Variants in ANKRD17 observed in about 807,000 individuals in gnomAD.
ANKRD17 encodes ankyrin repeat domain-containing protein 17.
ANKRD17 carries 19 observed loss-of-function variants against 229.7 expected under a neutral mutation model. The observed-to-expected ratio is 0.08, with a 90% CI of 0.06 to 0.12. The LOEUF (loss-of-function observed/expected upper bound fraction) is 0.12. Among genes scored for constraint, ANKRD17 ranks in the 10% least tolerant of loss-of-function variants. The probability of loss-of-function intolerance (pLI) is 1.00; values close to 1 mark genes in which losing one functional copy is unlikely to be tolerated. For synonymous variants in ANKRD17, 1,112 were observed against 1,146.1 expected (o/e 0.97, Z 0.60); for missense variants, 2,176 against 3,176.8 (o/e 0.68, Z 7.57).
At chr4:73,108,290 T>C (rs144594370) in intron 24 of ANKRD17, among the ~76,000 whole-genome samples, 1 of 152,308 alleles carries the variant, frequency 6.6e-6, no homozygotes, top group African/African-American at 2.4e-5. Context: ...AGATGCCTAA[T>C]AAGGTATTCA....
chr4:73,116,630 T>C (rs1017160826), intron 22 of ANKRD17, among the ~76,000 whole-genome samples: 4 of 152,200 alleles, frequency 2.6e-5, no homozygotes, highest in African/African-American at 9.6e-5. Flanking sequence ...TTTCTCTAAA[T>C]GAATAGCTCA....
intron 25 of ANKRD17, chr4:73,100,681 C>T (rs1723866026): frequency 9.0e-6 from 2 of 222,548 alleles, no homozygotes; most frequent in Admixed American, 1.3e-4. Flanking sequence ...CCTCAAACAA[C>T]TCAAAAAAAG....
intron 30 of ANKRD17, among the ~76,000 whole-genome samples, chr4:73,084,953 A>G (rs933644279): frequency 2.6e-5 from 4 of 152,130 alleles, no homozygotes; most frequent in Non-Finnish European, 5.9e-5. Flanking sequence ...GAAGGCAGGA[A>G]GACTGCTTCA....
At chr4:73,181,474 C>A (rs2149015897) in intron 1 of ANKRD17, among the ~76,000 whole-genome samples, 1 of 152,158 alleles carries the variant, frequency 6.6e-6, no homozygotes, top group Admixed American at 6.5e-5. Flanking sequence ...CTAGAAAGAG[C>A]TCGCGTTACA....
At chr4:73,216,506 G>A (rs942633121) in intron 1 of ANKRD17, among the ~76,000 whole-genome samples, 4 of 152,170 alleles carry the variant, frequency 2.6e-5, no homozygotes, top group African/African-American at 7.2e-5. Flanking sequence ...CATAAGGATA[G>A]AAGATGAGGG....
intron 1 of ANKRD17, among the ~76,000 whole-genome samples, chr4:73,219,996 ATC>A (rs1482020335): frequency 1.3e-5 from 2 of 152,130 alleles, no homozygotes; most frequent in African/African-American, 4.8e-5. Context: ...TTCTGAAATG[ATC>A]TCTCAGTTGT....
intron 1 of ANKRD17, among the ~76,000 whole-genome samples, chr4:73,191,339 A>ATGTGTG (rs1203366910): frequency 0.017 from 1,035 of 60,740 alleles, 7 homozygotes; most frequent in East Asian, 0.038. Flanking sequence ...CAAAAAATAT[A>ATGTGTG]TATGTGTGTG....
At chr4:73,203,758 C>CAAAAAAAAA (rs67020753) in intron 1 of ANKRD17, among the ~76,000 whole-genome samples, 23 of 82,106 alleles carry the variant, frequency 2.8e-4, no homozygotes, top group Non-Finnish European at 4.0e-4. Context: ...GACTCCGTCT[C>CAAAAAAAAA]AAAAAAAAAA....
chr4:73,225,974 T>C (rs1035488685), intron 1 of ANKRD17, among the ~76,000 whole-genome samples: 1 of 25,152 alleles, frequency 4.0e-5, no homozygotes, highest in Non-Finnish European at 7.5e-5. Context: ...GCTCTTAAGC[T>C]TTTTTTTTTT....
intron 33 of ANKRD17, 118 bp from the exon 34 acceptor site, chr4:73,076,408 G>GA (rs1471907585): frequency 9.5e-6 from 6 of 630,158 alleles, no homozygotes; most frequent in African/African-American, 3.8e-5. Context: ...GGAACTAATG[G>GA]AAAAAAATGA....
intron 16 of ANKRD17, among the ~76,000 whole-genome samples, chr4:73,130,914 T>TA (rs1461924727): frequency 3.3e-5 from 5 of 152,300 alleles, no homozygotes; most frequent in African/African-American, 1.2e-4. Context: ...CCTGTGGTTT[T>TA]AAAAAATCTC....
chr4:73,209,567 C>T (rs1739976991), intron 1 of ANKRD17, among the ~76,000 whole-genome samples: 1 of 152,098 alleles, frequency 6.6e-6, no homozygotes, highest in African/African-American at 2.4e-5. Flanking sequence ...GCAATCGACC[C>T]AAACTTTCGG....
Position 73,162,056 on chromosome 4 carries a change from CT to C in ANKRD17, c.548-709del, listed in dbSNP as rs529011465. On this transcript the variant is annotated intron_variant, in intron 2 of 33. Transcript: ENST00000358602. ...ACACTAGGCTGATTTTTCTCTCTCT[CT>C]TTTTTTTTTTTTTTAGACAGGGTCT... Among the ~76,000 whole-genome samples, 513 of 138,060 alleles carry C rather than the reference CT, an allele frequency of 3.7e-3. 1 individual carries two copies. Among genetic ancestry groups the C allele is most frequent in the South Asian group, 0.013 (57 of 4,308 alleles). The allele number at this position is 138,060 out of a possible 152,430, so 90.6% of individuals were successfully genotyped here.
At chr4:73,243,019 G>T (rs749949974) in intron 1 of ANKRD17, among the ~76,000 whole-genome samples, 5 of 152,112 alleles carry the variant, frequency 3.3e-5, no homozygotes, top group East Asian at 3.9e-4. Context: ...GACGAAGAAG[G>T]ATATCTAAGC....
chr4:73,179,488 GTATATATATA>G (rs1169079744), intron 1 of ANKRD17, among the ~76,000 whole-genome samples: 1 of 48,240 alleles, frequency 2.1e-5, no homozygotes, highest in African/African-American at 8.8e-5. Context: ...GTGTGTGTGT[GTATATATATA>G]TATATATATA....
At chr4:73,241,277 C>T (rs535783383) in intron 1 of ANKRD17, among the ~76,000 whole-genome samples, 2 of 152,020 alleles carry the variant, frequency 1.3e-5, no homozygotes, top group South Asian at 2.1e-4. Flanking sequence ...TTCCTATTCC[C>T]CTCAATGAAC....
chr4:73,121,088 A>G lies in ANKRD17; in HGVS notation c.3642T>C (p.Gly1214=), dbSNP rs113746623. The change falls in exon 20 of 34, where the codon GGT becomes GGC. Residue 1214 remains glycine (G), a synonymous_variant. Transcript: ENST00000358602. ...TCAGAGGAGAGATGCCCAATTTGCT[A>G]CCAGTTCTAGGGGTGCAGGTATGGG... ...NAGAEINSRT[G]SKLGISPLML... is the part of the protein sequence containing the mutation. The G allele has an allele frequency of 1.6e-4, 264 of 1,613,666 alleles. 1 individual carries two copies. In the African/African-American group the frequency reaches 2.8e-3, roughly 17 times the overall value.
chr4:73,158,180 G>GAAAGAAAGAAAGAAAGAAAGAAAGAAAA (rs1553925375), intron 3 of ANKRD17, among the ~76,000 whole-genome samples: 1 of 151,246 alleles, frequency 6.6e-6, no homozygotes, highest in African/African-American at 2.4e-5. Flanking sequence ...AAGAAAGAAA[G>GAAAGAAAGAAAGAAAGAAAGAAAGAAAA]AAAGAAAGAG....
At chr4:73,218,892 C>T (rs1741475103) in intron 1 of ANKRD17, among the ~76,000 whole-genome samples, 3 of 152,072 alleles carry the variant, frequency 2.0e-5, no homozygotes, top group African/African-American at 2.4e-5. Context: ...GAAACCCCGT[C>T]TCTACTAACA....
Sources: gnomAD v4.1 joint callset for allele counts (sites outside exome capture counted in the v4.1 genomes callset) on GRCh38, gnomAD v4.1.1 for gene constraint, MANE v1.5 for transcripts, NCBI Gene and HGNC (gene_info 2026-07-23, HGNC 2026-07-21) for gene names.